IGFBP2: variants seen among roughly 807,000 people sequenced by gnomAD.
The protein encoded by IGFBP2 is insulin-like growth factor-binding protein 2.
In IGFBP2, 12 loss-of-function variants were observed where a neutral mutation model predicts 26.2. The observed-to-expected ratio is 0.46, with a 90% CI of 0.29 to 0.74. The LOEUF is 0.74. Ranked by LOEUF, IGFBP2 falls within the 30% of genes least tolerant of loss-of-function variation. IGFBP2 has a pLI of 0.09. For missense variants in IGFBP2, 328 were observed against 441.2 expected (o/e 0.74, Z 2.30); for synonymous variants, 189 against 200.6 (o/e 0.94, Z 0.49).
Position 216,664,246 on chromosome 2 carries a change from C to T in IGFBP2, c.*142C>T, listed in dbSNP as rs1161851425. ...TTTATATTTGGAAAGAGACCAGCACCGAGCTCGGCACCTCCCCGGCCTCTC... is the reference window on the plus strand; with the variant it reads ...TTTATATTTGGAAAGAGACCAGCACTGAGCTCGGCACCTCCCCGGCCTCTC... On this transcript the variant is annotated 3_prime_UTR_variant, in exon 4 of 4. Transcript: ENST00000233809. The surrounding 1 kb of genome is among the most constrained non-coding windows in gnomAD (Gnocchi z 4.6). The T allele has an allele frequency of 9.7e-6, 6 of 620,958 alleles. No homozygotes were observed. Among genetic ancestry groups the T allele is most frequent in the Non-Finnish European group, 1.3e-5 (5 of 393,392 alleles). The allele number at this position is 620,958 out of a possible 1,614,324, so 38.5% of individuals were successfully genotyped here. A position where few individuals can be genotyped will look rare whatever the true frequency, so the allele number is the denominator to read the frequency against.
chr2:216,658,000 A>G (rs952690800), intron 1 of IGFBP2, among the ~76,000 whole-genome samples: 1 of 152,130 alleles, frequency 6.6e-6, no homozygotes, highest in Non-Finnish European at 1.5e-5. Context: ...TTGATGTCCC[A>G]AGATCATCGT....
In IGFBP2 at chr2:216,664,140, C is replaced by G. The variant is rs781406269; in HGVS notation, c.*36C>G. ...GCCGGTGCCTGGCGCCCCTGCCCCC[C>G]GCCCCTCTCCAAACACCGGCAGAAA... On this transcript the variant is annotated 3_prime_UTR_variant, in exon 4 of 4. Transcript: ENST00000233809. This position sits in a 1 kb window ranked among gnomAD's most constrained non-coding sequence, Gnocchi z 4.6. 9 of 1,498,162 alleles carry G rather than the reference C, an allele frequency of 6.0e-6. No individual in the cohort carries two copies. The highest frequency in any genetic ancestry group is 1.3e-5 in the South Asian group (1 of 75,736). The allele number at this position is 1,498,162 out of a possible 1,614,324, so 92.8% of individuals were successfully genotyped here.
chr2:216,649,796 G>C (rs1256333931), intron 1 of IGFBP2, among the ~76,000 whole-genome samples: 1 of 152,200 alleles, frequency 6.6e-6, no homozygotes, highest in East Asian at 1.9e-4. Flanking sequence ...CCTTTGGAGA[G>C]TGCACAGGCA....
chr2:216,647,419 C>G (rs928423677), intron 1 of IGFBP2, among the ~76,000 whole-genome samples: 3 of 152,332 alleles, frequency 2.0e-5, no homozygotes. Flanking sequence ...TGGCAATGGA[C>G]TCAGGCTAGA....
chr2:216,633,599 G>A lies in IGFBP2; in HGVS notation c.76G>A (p.Gly26Ser). Residue 26 changes from glycine (G) to serine (S), a missense_variant, in exon 1 of 4, where the codon GGC becomes AGC. Transcript: ENST00000233809. ...GCTGCCGCTGCTGCTGCTGCTACTG[G>A]GCGCGAGTGGCGGCGGCGGCGGGGC... ...PLLPLLLLLL[G>S]ASGGGGGARA... The A allele has an allele frequency of 1.1e-6, 1 of 893,892 alleles. No individual in the cohort carries two copies. The highest frequency in any genetic ancestry group is 1.3e-6 in the Non-Finnish European group (1 of 769,250). The allele number at this position is 893,892 out of a possible 1,614,324, so 55.4% of individuals were successfully genotyped here.
chr2:216,648,019 G>C lies in IGFBP2; in HGVS notation c.443-12538G>C, dbSNP rs559108056. Among the ~76,000 whole-genome samples the C allele has an allele frequency of 1.7e-4, 26 of 152,294 alleles. No homozygotes were observed. The South Asian group carries it at 1.9e-3, about 11-fold the overall frequency. On this transcript the variant is annotated intron_variant, in intron 1 of 3. Coordinates refer to ENST00000233809, the MANE Select transcript of IGFBP2 (RefSeq NM_000597.3). ...TGTTCATCCTTCTTCCTTCTCAAAA[G>C]GTTTCTCCTAAGTTATACCAGAGGG...
At chr2:216,655,996 A>AT (rs9341188) in intron 1 of IGFBP2, among the ~76,000 whole-genome samples, 32 of 150,600 alleles carry the variant, frequency 2.1e-4, no homozygotes, top group Admixed American at 1.6e-3. Context: ...CCTAAAAGTT[A>AT]TTTTTTTTTT....
chr2:216,647,715 T>A (rs918333452), intron 1 of IGFBP2, among the ~76,000 whole-genome samples: 1 of 151,966 alleles, frequency 6.6e-6, no homozygotes, highest in Admixed American at 6.6e-5. Flanking sequence ...AGAGACGGGG[T>A]TTCACCATGT....
chr2:216,640,783 T>C (rs1267654947), intron 1 of IGFBP2, among the ~76,000 whole-genome samples: 1 of 152,230 alleles, frequency 6.6e-6, no homozygotes, highest in Non-Finnish European at 1.5e-5. Flanking sequence ...ACAGCTGCCA[T>C]GTGCAGGTGA....
rs1206169957 is a variant in IGFBP2, at chr2:216,660,676, C to T, written c.562C>T (p.Leu188=). Residue 188 remains leucine (L), a synonymous_variant, in exon 2 of 4, where the codon CTG becomes TTG. Coordinates refer to ENST00000233809, the MANE Select transcript of IGFBP2 (RefSeq NM_000597.3). The part of the protein sequence containing the change: ...RKPLKSGMKE[L]AVFREKVTEQ... Reference sequence around the variant, plus strand: ...GCCCCTCAAGTCGGGTATGAAGGAGCTGGCCGTGTTCCGGGAGAAGGTCAC... The same window carrying T: ...GCCCCTCAAGTCGGGTATGAAGGAGTTGGCCGTGTTCCGGGAGAAGGTCAC... 1 of 1,614,094 alleles carries T rather than the reference C, an allele frequency of 6.2e-7. No individual in the cohort carries two copies.
chr2:216,656,877 T>C (rs2106203539), intron 1 of IGFBP2, among the ~76,000 whole-genome samples: 1 of 152,292 alleles, frequency 6.6e-6, no homozygotes, highest in Middle Eastern at 3.4e-3. Context: ...ACCAGCAGAC[T>C]CCCAGAGCTC....
At chr2:216,637,376 GC>G (rs1291898182) in intron 1 of IGFBP2, among the ~76,000 whole-genome samples, 5 of 152,194 alleles carry the variant, frequency 3.3e-5, no homozygotes, top group Non-Finnish European at 7.3e-5. Context: ...GAAGGGTGTG[GC>G]CCGACAGATT....
chr2:216,636,247 C>T (rs1697492838), intron 1 of IGFBP2, among the ~76,000 whole-genome samples: 1 of 152,104 alleles, frequency 6.6e-6, no homozygotes. Flanking sequence ...TCTCCCGTCC[C>T]GTCTTCTCTC....
intron 1 of IGFBP2, among the ~76,000 whole-genome samples, chr2:216,660,105 T>C (rs1358109756): frequency 6.6e-6 from 1 of 152,032 alleles, no homozygotes; most frequent in Non-Finnish European, 1.5e-5. Context: ...GGGGTTATAG[T>C]GGGAGAATTT....
intron 1 of IGFBP2, among the ~76,000 whole-genome samples, chr2:216,657,274 A>C (rs1697937808): frequency 6.6e-6 from 1 of 152,066 alleles, no homozygotes; most frequent in African/African-American, 2.4e-5. Context: ...GGGCGGAGGC[A>C]GGGAGGCTGG....
chr2:216,654,091 A>G (rs1697874887), intron 1 of IGFBP2, among the ~76,000 whole-genome samples: 3 of 152,114 alleles, frequency 2.0e-5, no homozygotes, highest in Non-Finnish European at 2.9e-5. Context: ...AAAAAATACA[A>G]CTTGGTATTT....
At chr2:216,641,912 G>A (rs1206827557) in intron 1 of IGFBP2, among the ~76,000 whole-genome samples, 1 of 150,952 alleles carries the variant, frequency 6.6e-6, no homozygotes, top group Non-Finnish European at 1.5e-5. Flanking sequence ...GGATGGTCTC[G>A]ATCTCCTGAC....
chr2:216,660,191 C>T (rs1307215218), intron 1 of IGFBP2, among the ~76,000 whole-genome samples: 1 of 152,170 alleles, frequency 6.6e-6, no homozygotes, highest in East Asian at 1.9e-4. Context: ...CTGTGTGCCT[C>T]TGTTCTGCCC....
intron 1 of IGFBP2, among the ~76,000 whole-genome samples, chr2:216,637,147 G>C (rs1697515241): frequency 6.6e-6 from 1 of 152,198 alleles, no homozygotes; most frequent in South Asian, 2.1e-4. Context: ...ATAGACTAGG[G>C]AAATGAGTGG....
Sources: gnomAD v4.1 joint callset for allele counts (sites outside exome capture counted in the v4.1 genomes callset) on GRCh38, gnomAD v4.1.1 for gene constraint, Gnocchi (gnomAD v3.1) non-coding constraint, MANE v1.5 for transcripts, NCBI Gene and HGNC (gene_info 2026-07-23, HGNC 2026-07-21) for gene names.